The following PTTG2 variants were observed in gnomAD, a reference collection of about 807,000 sequenced individuals.
PTTG2 encodes securin-2.
For missense variants in PTTG2, 218 were observed against 226.3 expected (o/e 0.96, Z 0.23); for synonymous variants, 90 against 84.2 (o/e 1.07, Z -0.37).
Position 37,960,953 on chromosome 4 carries a change from A to G in PTTG2, c.519A>G (p.Pro173=), listed in dbSNP as rs760044264. The G allele has an allele frequency of 1.1e-5, 18 of 1,614,028 alleles. No individual in the cohort carries two copies. Among genetic ancestry groups the G allele is most frequent in the Non-Finnish European group, 1.4e-5 (17 of 1,180,038 alleles). The change falls in exon 1 of 1, where the codon CCA becomes CCG. Residue 173 remains proline (P), a synonymous_variant. Transcript: ENST00000504686. Reference sequence around the variant, plus strand: ...CACCTGTGAAAATGCCCTCTCCACCATGGGAATGCAATCTGTTTGCAGTCT... The same window carrying G: ...CACCTGTGAAAATGCCCTCTCCACCGTGGGAATGCAATCTGTTTGCAGTCT... The part of the protein sequence containing the change: ...PPSPVKMPSP[P]WECNLFAVSF...
rs761990419 is a variant in PTTG2 at position 37,960,630 on chromosome 4, A to G, written c.196A>G (p.Thr66Ala). ...TAAAGCTACCAGAAAGGCTTTGGGC[A>G]CTGTCAACAGAGCTACAGAAAAGTC... Reference protein sequence around the residue: ...LPKATRKALGTVNRATEKSVK... With the variant: ...LPKATRKALGAVNRATEKSVK... Residue 66 changes from threonine to alanine, a missense_variant, in exon 1 of 1, where the codon ACT becomes GCT. Transcript: ENST00000504686. The G allele has an allele frequency of 2.7e-5, 43 of 1,614,222 alleles. No homozygotes were observed. The South Asian group carries it at 4.3e-4, about 16-fold the overall frequency.
In PTTG2 at chr4:37,960,777, G is replaced by A. The variant is rs756769813; in HGVS notation, c.343G>A (p.Glu115Lys). The change falls in exon 1 of 1, where the codon GAA becomes AAA. Residue 115 changes from glutamate to lysine, a missense_variant. Coordinates refer to ENST00000504686, the MANE Select transcript of PTTG2 (RefSeq NM_006607.3). ...CTCAGATGACGCCTATCCAGAAATA[G>A]AAAAATTCTTTCCCTTCAATCTTCT... is the stretch of plus-strand genomic sequence containing the variant. ...PASDDAYPEI[E>K]KFFPFNLLDF... The A allele has an allele frequency of 6.2e-7, 1 of 1,614,172 alleles. No homozygotes were observed. The highest frequency in any genetic ancestry group is 8.5e-7 in the Non-Finnish European group (1 of 1,180,020).
Position 37,960,716 on chromosome 4 carries a change from C to G in PTTG2, c.282C>G (p.Thr94=), listed in dbSNP as rs557030910. The G allele has an allele frequency of 1.2e-6, 2 of 1,614,140 alleles. No individual in the cohort carries two copies. Among genetic ancestry groups the G allele is most frequent in the Non-Finnish European group, 1.7e-6 (2 of 1,180,030 alleles). ...KQPSFSAKKM[T]EKTVKTKSSV... Reference sequence around the variant, plus strand: ...CAAGCTTTTCTGCCAAAAAGATGACCGAGAAGACTGTTAAAACAAAAAGTT... The same window carrying G: ...CAAGCTTTTCTGCCAAAAAGATGACGGAGAAGACTGTTAAAACAAAAAGTT... The change falls in exon 1 of 1, where the codon ACC becomes ACG. Residue 94 remains threonine, a synonymous_variant. Coordinates refer to ENST00000504686, the MANE Select transcript of PTTG2 (RefSeq NM_006607.3).
At position 37,960,781 on chromosome 4, in the gene PTTG2, A is replaced by C. The variant is rs1312087837; in HGVS notation, c.347A>C (p.Lys116Thr). The C allele has an allele frequency of 1.2e-6, 2 of 1,613,920 alleles. No individual in the cohort carries two copies. Among genetic ancestry groups the C allele is most frequent in the Non-Finnish European group, 1.7e-6 (2 of 1,179,982 alleles). ...ASDDAYPEIEKFFPFNLLDFE... is the reference protein window; with the variant it reads ...ASDDAYPEIETFFPFNLLDFE... ...GATGACGCCTATCCAGAAATAGAAAAATTCTTTCCCTTCAATCTTCTAGAC... is the reference window on the plus strand; with the variant it reads ...GATGACGCCTATCCAGAAATAGAAACATTCTTTCCCTTCAATCTTCTAGAC... Residue 116 changes from lysine to threonine, a missense_variant, in exon 1 of 1, where the codon AAA becomes ACA. Coordinates refer to ENST00000504686, the MANE Select transcript of PTTG2 (RefSeq NM_006607.3).
Position 37,960,964 on chromosome 4 carries a change from A to G in PTTG2, c.530A>G (p.Asn177Ser), listed in dbSNP as rs1272821891. 2.5e-6 allele frequency: 4 copies of G among 1,614,050 alleles called. No individual in the cohort carries two copies. Among genetic ancestry groups the G allele is most frequent in the South Asian group, 1.1e-5 (1 of 91,058 alleles). The change falls in exon 1 of 1, where the codon AAT becomes AGT. Residue 177 changes from asparagine to serine, a missense_variant. Transcript: ENST00000504686. ...VKMPSPPWEC[N>S]LFAVSFKHSV... Reference sequence around the variant, plus strand: ...ATGCCCTCTCCACCATGGGAATGCAATCTGTTTGCAGTCTCCTTCAAGCAT... The same window carrying G: ...ATGCCCTCTCCACCATGGGAATGCAGTCTGTTTGCAGTCTCCTTCAAGCAT...
Position 37,961,089 on chromosome 4 carries a change from CAT to C in PTTG2, c.*80_*81del. 1 of 1,555,040 alleles carries C rather than the reference CAT, an allele frequency of 6.4e-7. No homozygotes were observed. Among genetic ancestry groups the C allele is most frequent in the Non-Finnish European group, 8.9e-7 (1 of 1,129,362 alleles). Reference sequence around the variant, plus strand: ...TTTGTGTGTACTTGTATTAATAAAGCATTATTTGTTTAACAACATAATAAATA... The same window carrying C: ...TTTGTGTGTACTTGTATTAATAAAGCTATTTGTTTAACAACATAATAAATA... On this transcript the variant is annotated 3_prime_UTR_variant, in exon 1 of 1. Coordinates refer to ENST00000504686, the MANE Select transcript of PTTG2 (RefSeq NM_006607.3).
Position 37,960,423 on chromosome 4 carries a change from C to T in PTTG2, c.-12C>T. ...AGATGAATGTGGCTGTTGAGAGCGGCAATAATCCAGAATGGCTACTCTGAT... is the reference window on the plus strand; with the variant it reads ...AGATGAATGTGGCTGTTGAGAGCGGTAATAATCCAGAATGGCTACTCTGAT... On this transcript the variant is annotated 5_prime_UTR_variant, in exon 1 of 1. Coordinates refer to ENST00000504686, the MANE Select transcript of PTTG2 (RefSeq NM_006607.3). 6 of 1,604,272 alleles carry T rather than the reference C, an allele frequency of 3.7e-6. No individual in the cohort carries two copies. Among genetic ancestry groups the T allele is most frequent in the Non-Finnish European group, 5.1e-6 (6 of 1,175,830 alleles).
chr4:37,960,643 C>G lies in PTTG2; in HGVS notation c.209C>G (p.Ala70Gly). The change falls in exon 1 of 1, where the codon GCT becomes GGT. Residue 70 changes from alanine to glycine, a missense_variant. Ala to Gly is a moderately conservative substitution (Grantham distance 60, BLOSUM62 0). Coordinates refer to ENST00000504686, the MANE Select transcript of PTTG2 (RefSeq NM_006607.3). ...TRKALGTVNR[A>G]TEKSVKTNGP... is the part of the protein sequence containing the mutation. ...AAGGCTTTGGGCACTGTCAACAGAG[C>G]TACAGAAAAGTCAGTAAAGACCAAT... The G allele has an allele frequency of 5.0e-6, 8 of 1,614,130 alleles. No homozygotes were observed. The highest frequency in any genetic ancestry group is 6.8e-6 in the Non-Finnish European group (8 of 1,180,028).
rs1399948350 is a variant in PTTG2, at chr4:37,960,552, C to G, written c.118C>G (p.Gln40Glu). ...PSIKALDGIS[Q>E]VLTRRFGKTY... ...AATCAAAGCATTAGATGGGATATCT[C>G]AAGTTTTAACACGACGTTTTGGCAA... The change falls in exon 1 of 1, where the codon CAA becomes GAA. Residue 40 changes from glutamine (Q) to glutamate (E), a missense_variant. Gln to Glu is a conservative substitution (Grantham distance 29). Coordinates refer to ENST00000504686, the MANE Select transcript of PTTG2 (RefSeq NM_006607.3). The G allele has an allele frequency of 6.2e-7, 1 of 1,614,014 alleles. No homozygotes were observed. Among genetic ancestry groups the G allele is most frequent in the Non-Finnish European group, 8.5e-7 (1 of 1,180,022 alleles).
At position 37,960,713 on chromosome 4, in the gene PTTG2, G is replaced by T; in HGVS notation, c.279G>T (p.Met93Ile). The T allele has an allele frequency of 6.2e-7, 1 of 1,614,162 alleles. No homozygotes were observed. Among genetic ancestry groups the T allele is most frequent in the South Asian group, 1.1e-5 (1 of 91,060 alleles). The change falls in exon 1 of 1, where the codon ATG becomes ATT. Residue 93 changes from methionine (M) to isoleucine (I), a missense_variant. Met to Ile is a conservative substitution (Grantham distance 10). Transcript: ENST00000504686. ...AGCCAAGCTTTTCTGCCAAAAAGATGACCGAGAAGACTGTTAAAACAAAAA... is the reference window on the plus strand; with the variant it reads ...AGCCAAGCTTTTCTGCCAAAAAGATTACCGAGAAGACTGTTAAAACAAAAA... ...QKQPSFSAKK[M>I]TEKTVKTKSS...
In PTTG2 at chr4:37,960,859, G is replaced by A; in HGVS notation, c.425G>A (p.Ser142Asn). The change falls in exon 1 of 1, where the codon AGT becomes AAT. Residue 142 changes from serine to asparagine, a missense_variant. Coordinates refer to ENST00000504686, the MANE Select transcript of PTTG2 (RefSeq NM_006607.3). Reference sequence around the variant, plus strand: ...CGCCAGATTGCACACCTCCCCTTGAGTGGAGTGCCTCTCATGATCCTTGAT... The same window carrying A: ...CGCCAGATTGCACACCTCCCCTTGAATGGAGTGCCTCTCATGATCCTTGAT... ...EERQIAHLPL[S>N]GVPLMILDEE... 1 of 1,614,188 alleles carries A rather than the reference G, an allele frequency of 6.2e-7. No individual in the cohort carries two copies. The highest frequency in any genetic ancestry group is 8.5e-7 in the Non-Finnish European group (1 of 1,180,038).
At position 37,960,581 on chromosome 4, in the gene PTTG2, A is replaced by T. The variant is rs754865814; in HGVS notation, c.147A>T (p.Thr49=). 3.1e-6 allele frequency: 5 copies of T among 1,614,222 alleles called. No individual in the cohort carries two copies. The East Asian group carries it at 8.9e-5, about 29-fold the overall frequency. ...SQVLTRRFGK[T]YDAPSALPKA... ...TTTTAACACGACGTTTTGGCAAAAC[A>T]TACGATGCTCCATCAGCCTTACCTA... is the stretch of plus-strand genomic sequence containing the variant. Residue 49 remains threonine (T), a synonymous_variant, in exon 1 of 1, where the codon ACA becomes ACT. Coordinates refer to ENST00000504686, the MANE Select transcript of PTTG2 (RefSeq NM_006607.3).
chr4:37,961,037 A>T lies in PTTG2; in HGVS notation c.*27A>T. 1.9e-6 allele frequency: 3 copies of T among 1,612,544 alleles called. No homozygotes were observed. The highest frequency in any genetic ancestry group is 2.5e-6 in the Non-Finnish European group (3 of 1,178,540). On this transcript the variant is annotated 3_prime_UTR_variant, in exon 1 of 1. Coordinates refer to ENST00000504686, the MANE Select transcript of PTTG2 (RefSeq NM_006607.3). The stretch of plus-strand genomic sequence containing the variant: ...TTGCCAGCTGTTTGCTATGACATAG[A>T]TATTTAAATTTCTTAGTGCTTTGGA...
At position 37,960,690 on chromosome 4, in the gene PTTG2, C is replaced by A. The variant is rs1420500431; in HGVS notation, c.256C>A (p.Pro86Thr). ...KTNGPRKQKQ[P>T]SFSAKKMTEK... ...CAATGGACCCAGAAAACAAAAACAG[C>A]CAAGCTTTTCTGCCAAAAAGATGAC... is the stretch of plus-strand genomic sequence containing the variant. The change falls in exon 1 of 1, where the codon CCA becomes ACA. Residue 86 changes from proline (P) to threonine (T), a missense_variant. Coordinates refer to ENST00000504686, the MANE Select transcript of PTTG2 (RefSeq NM_006607.3). The A allele has an allele frequency of 1.1e-5, 17 of 1,614,066 alleles. No individual in the cohort carries two copies. The highest frequency in any genetic ancestry group is 4.2e-6 in the Non-Finnish European group (5 of 1,180,042).
rs367810871 is a variant in PTTG2 at position 37,960,479 on chromosome 4, C to T, written c.45C>T (p.Gly15=). ...TTGATAAGGAAATTGGAGAACCAGGCACCCGTGTGGCTGCCAAGGATGTGC... is the reference window on the plus strand; with the variant it reads ...TTGATAAGGAAATTGGAGAACCAGGTACCCGTGTGGCTGCCAAGGATGTGC... ...IYVDKEIGEP[G]TRVAAKDVLK... is the part of the protein sequence containing the mutation. Residue 15 remains glycine, a synonymous_variant, in exon 1 of 1, where the codon GGC becomes GGT. Coordinates refer to ENST00000504686, the MANE Select transcript of PTTG2 (RefSeq NM_006607.3). The T allele has an allele frequency of 1.2e-6, 2 of 1,613,928 alleles. No homozygotes were observed. Among genetic ancestry groups the T allele is most frequent in the Non-Finnish European group, 1.7e-6 (2 of 1,179,948 alleles).
rs1729816077 is a variant in PTTG2 at position 37,960,647 on chromosome 4, A to G, written c.213A>G (p.Thr71=). The change falls in exon 1 of 1, where the codon ACA becomes ACG. Residue 71 remains threonine, a synonymous_variant. Coordinates refer to ENST00000504686, the MANE Select transcript of PTTG2 (RefSeq NM_006607.3). ...RKALGTVNRA[T]EKSVKTNGPR... is the part of the protein sequence containing the mutation. ...CTTTGGGCACTGTCAACAGAGCTAC[A>G]GAAAAGTCAGTAAAGACCAATGGAC... The G allele has an allele frequency of 1.9e-6, 3 of 1,614,248 alleles. No homozygotes were observed. The highest frequency in any genetic ancestry group is 2.5e-6 in the Non-Finnish European group (3 of 1,180,042).
Position 37,960,706 on chromosome 4 carries a change from A to G in PTTG2, c.272A>G (p.Lys91Arg), listed in dbSNP as rs770131605. The change falls in exon 1 of 1, where the codon AAA becomes AGA. Residue 91 changes from lysine (K) to arginine (R), a missense_variant. Lys to Arg is a conservative substitution (Grantham distance 26, BLOSUM62 2). Coordinates refer to ENST00000504686, the MANE Select transcript of PTTG2 (RefSeq NM_006607.3). ...CAAAAACAGCCAAGCTTTTCTGCCA[A>G]AAAGATGACCGAGAAGACTGTTAAA... is the stretch of plus-strand genomic sequence containing the variant. ...RKQKQPSFSA[K>R]KMTEKTVKTK... The G allele has an allele frequency of 1.9e-6, 3 of 1,614,240 alleles. No individual in the cohort carries two copies. The highest frequency in any genetic ancestry group is 2.5e-6 in the Non-Finnish European group (3 of 1,180,044).
Position 37,961,061 on chromosome 4 carries a change from G to C in PTTG2, c.*51G>C. 6.3e-7 allele frequency: 1 copy of C among 1,595,222 alleles called. No homozygotes were observed. The highest frequency in any genetic ancestry group is 8.6e-7 in the Non-Finnish European group (1 of 1,163,016). ...GATATTTAAATTTCTTAGTGCTTTG[G>C]AGTTTGTGTGTACTTGTATTAATAA... is the stretch of plus-strand genomic sequence containing the variant. On this transcript the variant is annotated 3_prime_UTR_variant, in exon 1 of 1. Coordinates refer to ENST00000504686, the MANE Select transcript of PTTG2 (RefSeq NM_006607.3).
At position 37,960,455 on chromosome 4, in the gene PTTG2, T is replaced by A; in HGVS notation, c.21T>A (p.Val7=). The change falls in exon 1 of 1, where the codon GTT becomes GTA. Residue 7 remains valine, a synonymous_variant. Transcript: ENST00000504686. ...CCAGAATGGCTACTCTGATCTACGTTGATAAGGAAATTGGAGAACCAGGCA... is the reference window on the plus strand; with the variant it reads ...CCAGAATGGCTACTCTGATCTACGTAGATAAGGAAATTGGAGAACCAGGCA... The part of the protein sequence containing the change: MATLIY[V]DKEIGEPGTR... 1 of 1,613,766 alleles carries A rather than the reference T, an allele frequency of 6.2e-7. No homozygotes were observed. The highest frequency in any genetic ancestry group is 1.1e-5 in the South Asian group (1 of 91,036).
Sources: allele counts gnomAD v4.1 joint callset, GRCh38; gene constraint gnomAD v4.1.1; transcripts MANE v1.5; gene names NCBI Gene and HGNC (gene_info 2026-07-23, HGNC 2026-07-21).